Variants in AKAP12 observed in about 807,000 individuals in gnomAD.
The protein encoded by AKAP12 is A-kinase anchor protein 12.
AKAP12 carries 32 observed loss-of-function variants against 79.9 expected under a neutral mutation model. The ratio of observed to expected loss-of-function variants is 0.40; its 90% CI spans 0.30 to 0.54. The LOEUF (loss-of-function observed/expected upper bound fraction) is 0.54. Among genes scored for constraint, AKAP12 ranks in the 20% least tolerant of loss-of-function variants. The pLI, the probability that AKAP12 is intolerant of heterozygous loss-of-function variation, is 0.48. For synonymous variants in AKAP12, 808 were observed against 857.0 expected (o/e 0.94, Z 1.00); for missense variants, 2,074 against 2,177.0 (o/e 0.95, Z 0.94).
intron 2 of AKAP12, among the ~76,000 whole-genome samples, chr6:151,285,384 C>CTGTG (rs10680283): frequency 0.19 from 25,268 of 136,252 alleles, 2,443 homozygotes; most frequent in African/African-American, 0.27. Flanking sequence ...CTGCATTTCA[C>CTGTG]TGTGTGTGTG....
chr6:151,333,348 G>T (rs1316549785), intron 3 of AKAP12, among the ~76,000 whole-genome samples: 1 of 152,056 alleles, frequency 6.6e-6, no homozygotes. Flanking sequence ...CCTGCCTGCC[G>T]CCCCCACATC....
intron 2 of AKAP12, among the ~76,000 whole-genome samples, chr6:151,255,325 C>T (rs796810730): frequency 5.9e-5 from 9 of 152,028 alleles, no homozygotes; most frequent in East Asian, 1.9e-4. Flanking sequence ...ACCACCACGC[C>T]GGCTGATTTT....
At position 151,350,108 on chromosome 6, in the gene AKAP12, C is replaced by T. The variant is rs770290500; in HGVS notation, c.1717C>T (p.Pro573Ser). ...GAGCTCTGCCTCATCCCCTGAGGAG[C>T]CCGAGGAGATCACGTGTCTGGAAAA... ...GESSASSPEEPEEITCLEKGL... is the reference protein window; with the variant it reads ...GESSASSPEESEEITCLEKGL... Residue 573 changes from proline to serine, a missense_variant, in exon 4 of 5, where the codon CCC becomes TCC. Transcript: ENST00000402676. The surrounding 1 kb of genome is among the most constrained non-coding windows in gnomAD (Gnocchi z 4.8). The T allele has an allele frequency of 1.2e-6, 2 of 1,613,884 alleles. No homozygotes were observed. Among genetic ancestry groups the T allele is most frequent in the Admixed American group, 1.7e-5 (1 of 59,996 alleles).
At chr6:151,328,796 T>G (rs1038981739) in intron 3 of AKAP12, among the ~76,000 whole-genome samples, 3 of 152,128 alleles carry the variant, frequency 2.0e-5, no homozygotes, top group African/African-American at 7.2e-5. Flanking sequence ...TACAATTCAT[T>G]AACAGGACTG....
At chr6:151,257,293 TTC>T (rs1378639460) in intron 2 of AKAP12, among the ~76,000 whole-genome samples, 1 of 152,052 alleles carries the variant, frequency 6.6e-6, no homozygotes, top group Non-Finnish European at 1.5e-5. Flanking sequence ...TATTTATTTA[TTC>T]ATTTATTTGT....
chr6:151,345,928 T>A lies in AKAP12; in HGVS notation c.320-2783T>A, dbSNP rs1278384846. 7.3e-3 allele frequency among the ~76,000 whole-genome samples: 803 copies of A among 110,604 alleles called. 5 individuals are homozygous for A. The highest frequency in any genetic ancestry group is 9.0e-3 in the African/African-American group (282 of 31,178). 72.6% of individuals were successfully genotyped at this position (110,604 alleles called of 152,430 possible). On this transcript the variant is annotated intron_variant, in intron 3 of 4. Transcript: ENST00000402676. The stretch of plus-strand genomic sequence containing the variant: ...GTGTGTGTGTGTGTGTGTGTGTGTG[T>A]GTGTGAGAGAGAGAGAGAGAGAGAG...
At position 151,352,831 on chromosome 6, in the gene AKAP12, G is replaced by A; in HGVS notation, c.4440G>A (p.Gln1480=). The change falls in exon 4 of 5, where the codon CAG becomes CAA. Residue 1480 remains glutamine, a synonymous_variant. Transcript: ENST00000402676. ...EDAVPTGPDC[Q]AKSTPVIVSA... Reference sequence around the variant, plus strand: ...CTGTGCCCACAGGGCCCGACTGTCAGGCAAAATCGACACCAGTGATAGTAT... The same window carrying A: ...CTGTGCCCACAGGGCCCGACTGTCAAGCAAAATCGACACCAGTGATAGTAT... 6.2e-7 allele frequency: 1 copy of A among 1,614,194 alleles called. No homozygotes were observed. Among genetic ancestry groups the A allele is most frequent in the Non-Finnish European group, 8.5e-7 (1 of 1,180,044 alleles).
intron 3 of AKAP12, among the ~76,000 whole-genome samples, chr6:151,332,048 T>TTTTC (rs1322931928): frequency 9.1e-5 from 13 of 143,600 alleles, no homozygotes; most frequent in African/African-American, 3.4e-4. Context: ...TTTTTTTTTT[T>TTTTC]TTTTTTGAGA....
chr6:151,306,493 A>G (rs1030113417), intron 3 of AKAP12, among the ~76,000 whole-genome samples: 1 of 152,228 alleles, frequency 6.6e-6, no homozygotes, highest in Non-Finnish European at 1.5e-5. Flanking sequence ...GAAAGGCTGC[A>G]TGTTGAAGAA....
chr6:151,292,922 G>A (rs571277219), intron 2 of AKAP12, among the ~76,000 whole-genome samples: 25 of 152,310 alleles, frequency 1.6e-4, no homozygotes, highest in African/African-American at 5.3e-4. Flanking sequence ...TAGCCACTAC[G>A]TATTTCTCAT....
intron 3 of AKAP12, chr6:151,341,775 G>T (rs1582894370): frequency 1.6e-6 from 2 of 1,285,938 alleles, no homozygotes; most frequent in South Asian, 1.2e-5. Context: ...CCTTAGGACC[G>T]GCCCGAGATG....
At chr6:151,317,232 G>T (rs1182007242) in intron 3 of AKAP12, among the ~76,000 whole-genome samples, 1 of 152,184 alleles carries the variant, frequency 6.6e-6, no homozygotes, top group Non-Finnish European at 1.5e-5. Flanking sequence ...GGTTTGCGGA[G>T]TTTTCTCCAT....
intron 3 of AKAP12, among the ~76,000 whole-genome samples, chr6:151,307,779 C>T (rs1777005683): frequency 6.6e-6 from 1 of 152,050 alleles, no homozygotes; most frequent in South Asian, 2.1e-4. Flanking sequence ...CCATCGTCTC[C>T]CTGAGGTGAC....
chr6:151,309,118 G>T (rs548083256), intron 3 of AKAP12, among the ~76,000 whole-genome samples: 1 of 152,176 alleles, frequency 6.6e-6, no homozygotes, highest in East Asian at 1.9e-4. Flanking sequence ...CAGGTGATCC[G>T]CCTGCCTCGG....
At chr6:151,271,734 A>T (rs925738442) in intron 2 of AKAP12, among the ~76,000 whole-genome samples, 1 of 152,240 alleles carries the variant, frequency 6.6e-6, no homozygotes, top group African/African-American at 2.4e-5. Flanking sequence ...ATTTCGGCTC[A>T]CTGCAACCTC....
intron 3 of AKAP12, among the ~76,000 whole-genome samples, chr6:151,338,926 C>T (rs1016677547): frequency 6.6e-6 from 1 of 152,240 alleles, no homozygotes; most frequent in Non-Finnish European, 1.5e-5. Flanking sequence ...TAAATATCCT[C>T]TCCTCTCCTC....
intron 3 of AKAP12, among the ~76,000 whole-genome samples, chr6:151,330,433 T>C (rs4301312): frequency 0.5 from 76,478 of 151,918 alleles, 22,310 homozygotes; most frequent in African/African-American, 0.8. Context: ...AGATTGGGTG[T>C]GTAGCCTATA....
chr6:151,350,831 C>T lies in AKAP12; in HGVS notation c.2440C>T (p.Arg814Ter), dbSNP rs1562754144. Residue 814 changes from arginine to a stop codon, truncating the protein, a stop_gained, in exon 4 of 5, where the codon CGA becomes TGA. Coordinates refer to ENST00000402676, the MANE Select transcript of AKAP12 (RefSeq NM_005100.4). LOFTEE classifies it high-confidence loss of function. The surrounding 1 kb of genome is among the most constrained non-coding windows in gnomAD (Gnocchi z 4.8). The stretch of plus-strand genomic sequence containing the variant: ...CTCAATCAAGAAGTTTATTCCTGGA[C>T]GAAGGAAGAAAAGGCCAGATGGGAA... ...WVSIKKFIPG[R>*]RKKRPDGKQE... 3 of 1,613,856 alleles carry T rather than the reference C, an allele frequency of 1.9e-6. No individual in the cohort carries two copies. The highest frequency in any genetic ancestry group is 2.5e-6 in the Non-Finnish European group (3 of 1,179,974).
chr6:151,349,593 CAGAAGTGTTTGATGAGAAAAT>C lies in AKAP12; in HGVS notation c.1209_1229del (p.Phe404_Val410del). The C allele has an allele frequency of 6.2e-7, 1 of 1,611,482 alleles. No individual in the cohort carries two copies. The highest frequency in any genetic ancestry group is 1.7e-5 in the Admixed American group (1 of 59,166). On this transcript the variant is annotated inframe_deletion, in exon 4 of 5. Coordinates refer to ENST00000402676, the MANE Select transcript of AKAP12 (RefSeq NM_005100.4). Reference sequence around the variant, plus strand: ...GAAGAGAAACCTGCTCCGTTGGCGACAGAAGTGTTTGATGAGAAAATAGAAGTCCACCAAGAAGAGGTTGTG... The same window carrying C: ...GAAGAGAAACCTGCTCCGTTGGCGACAGAAGTCCACCAAGAAGAGGTTGTG...
Sources: allele counts gnomAD v4.1 joint callset (sites outside exome capture counted in the v4.1 genomes callset), GRCh38; gene constraint gnomAD v4.1.1; non-coding constraint Gnocchi (gnomAD v3.1); transcripts MANE v1.5; gene names NCBI Gene and HGNC (gene_info 2026-07-23, HGNC 2026-07-21).